Variants in BRAF observed in about 807,000 individuals in gnomAD.
BRAF encodes serine/threonine-protein kinase B-raf.
In BRAF, 16 loss-of-function variants were observed where a neutral mutation model predicts 104.6. The observed-to-expected ratio is 0.15, with a 90% CI of 0.10 to 0.23. The LOEUF (loss-of-function observed/expected upper bound fraction) is 0.23. Ranked by LOEUF, BRAF falls within the 10% of genes least tolerant of loss-of-function variation. BRAF has a pLI of 1.00. For synonymous variants in BRAF, 310 were observed against 341.6 expected (o/e 0.91, Z 1.02); for missense variants, 541 against 937.3 (o/e 0.58, Z 5.52).
At chr7:140,886,375 C>T (rs903710083) in intron 1 of BRAF, among the ~76,000 whole-genome samples, 5 of 152,172 alleles carry the variant, frequency 3.3e-5, no homozygotes, top group Admixed American at 6.5e-5. Context: ...ATTCACAACA[C>T]TCCCCTTCCT....
chr7:140,893,476 C>T lies in BRAF; in HGVS notation c.138+31090G>A, dbSNP rs944205711. Among the ~76,000 whole-genome samples, 7 of 152,186 alleles carry T rather than the reference C, an allele frequency of 4.6e-5. No individual in the cohort carries two copies. The East Asian group carries it at 1.4e-3, about 29-fold the overall frequency. ...ATGTTAGCCAGGATGGTCTCGATCT[C>T]TTGACCTCGTGATCTGCCCACCTCG... On this transcript the variant is annotated intron_variant, in intron 1 of 19. Transcript: ENST00000644969.
intron 1 of BRAF, among the ~76,000 whole-genome samples, chr7:140,858,673 A>G (rs768557112): frequency 3.3e-5 from 5 of 152,324 alleles, no homozygotes; most frequent in South Asian, 4.1e-4. Context: ...ATCTGAACAC[A>G]TATCAGATGT....
chr7:140,858,503 T>C (rs1438134965), intron 1 of BRAF, among the ~76,000 whole-genome samples: 1 of 152,224 alleles, frequency 6.6e-6, no homozygotes, highest in Non-Finnish European at 1.5e-5. Flanking sequence ...CTGGATTCTT[T>C]AATAAATCAT....
In BRAF at chr7:140,908,545, G is replaced by A. The variant is rs1043773696; in HGVS notation, c.138+16021C>T. 2.6e-5 allele frequency among the ~76,000 whole-genome samples: 4 copies of A among 152,112 alleles called. No individual in the cohort carries two copies. In the South Asian group the frequency reaches 8.3e-4, roughly 32 times the overall value. On this transcript the variant is annotated intron_variant, in intron 1 of 19. Transcript: ENST00000644969. ...GCTGGAGGGTCATTTATCATGGAGG[G>A]TCCCTGGACCACCCAGACAGAGCAA...
In BRAF at chr7:140,808,075, G is replaced by C. The variant is rs1803839206; in HGVS notation, c.609-13C>G. On this transcript the variant is annotated splice_polypyrimidine_tract_variant and intron_variant, in intron 4 of 19. Transcript: ENST00000644969. ...TGGTTTCTTCTCTCTGAAAAATGTA[G>C]ACACAAGCCTTTCTTGGTTATTACA... 1.3e-6 allele frequency: 2 copies of C among 1,581,602 alleles called. No individual in the cohort carries two copies.
At chr7:140,813,406 C>T (rs918958756) in intron 3 of BRAF, among the ~76,000 whole-genome samples, 1 of 152,114 alleles carries the variant, frequency 6.6e-6, no homozygotes, top group African/African-American at 2.4e-5. Context: ...TGGTATGAAG[C>T]TATAAACAGA....
intron 19 of BRAF, chr7:140,732,789 CTATCAA>C (rs1308060705): frequency 1.3e-5 from 2 of 152,200 alleles, no homozygotes; most frequent in African/African-American, 2.4e-5. Context: ...AGAAGGAGCT[CTATCAA>C]TAAAGAGACC....
At position 140,924,582 on chromosome 7, in the gene BRAF, G is replaced by A. The variant is rs1186254108; in HGVS notation, c.122C>T (p.Pro41Leu). ...AGAAASSAAD[P>L]AIPEEVWNIK... ...AGCACTCACCTCCTCCGGAATGGCA[G>A]GGTCCGCAGCCGAAGAGGCCGCGGC... Residue 41 changes from proline (P) to leucine (L), a missense_variant, in exon 1 of 20, where the codon CCT (proline) becomes CTT (leucine). By Grantham distance (98) the Pro-to-Leu change is moderately conservative (BLOSUM62 -3). Around this residue, in one of 10 missense-constraint regions of BRAF, gnomAD observed 82 missense variants for 65.9 expected, o/e 1.24. Coordinates refer to ENST00000644969, the MANE Select transcript of BRAF (RefSeq NM_001374258.1). This position sits in a 1 kb window ranked among gnomAD's most constrained non-coding sequence, Gnocchi z 4.2. 6 of 1,531,670 alleles carry A rather than the reference G, an allele frequency of 3.9e-6. No homozygotes were observed. The highest frequency in any genetic ancestry group is 2.5e-5 in the East Asian group (1 of 40,722). The allele number at this position is 1,531,670 out of a possible 1,614,324, so 94.9% of individuals were successfully genotyped here.
intron 14 of BRAF, among the ~76,000 whole-genome samples, chr7:140,768,878 C>T (rs1051558460): frequency 1.3e-5 from 2 of 152,012 alleles, no homozygotes; most frequent in Admixed American, 6.6e-5. Flanking sequence ...TTTGTGTGTG[C>T]CCACTCCCTC....
At chr7:140,845,124 T>A (rs1186140424) in intron 2 of BRAF, among the ~76,000 whole-genome samples, 1 of 152,196 alleles carries the variant, frequency 6.6e-6, no homozygotes, top group Admixed American at 6.5e-5. Context: ...TATAGTCAAA[T>A]GGTTTTCGAC....
At chr7:140,778,165 G>A (rs1800513711) in intron 12 of BRAF, 90 bp from the exon 12 acceptor site, 1 of 1,086,334 alleles carries the variant, frequency 9.2e-7, no homozygotes, top group Admixed American at 1.9e-5. Flanking sequence ...AATTATCATA[G>A]CCCTAACTCC....
Position 140,815,392 on chromosome 7 carries a change from G to C in BRAF, c.505-6397C>G, listed in dbSNP as rs1024489639. ...GATCTCCTGACCTCATGATTCGCCCGCCTCAGCCTCCCAAAGTGCTAGGAT... is the reference window on the plus strand; with the variant it reads ...GATCTCCTGACCTCATGATTCGCCCCCCTCAGCCTCCCAAAGTGCTAGGAT... On this transcript the variant is annotated intron_variant, in intron 3 of 19. Transcript: ENST00000644969. Among the ~76,000 whole-genome samples, 281 of 148,894 alleles carry C rather than the reference G, an allele frequency of 1.9e-3. 1 individual carries two copies. Among genetic ancestry groups the C allele is most frequent in the African/African-American group, 6.8e-3 (272 of 40,082 alleles).
intron 14 of BRAF, among the ~76,000 whole-genome samples, chr7:140,761,931 A>T (rs985171512): frequency 3.3e-5 from 5 of 151,058 alleles, no homozygotes; most frequent in Admixed American, 6.6e-5. Context: ...CTCCCACACA[A>T]TAATAATGGG....
At chr7:140,775,425 G>A (rs1800246950) in intron 14 of BRAF, among the ~76,000 whole-genome samples, 1 of 150,754 alleles carries the variant, frequency 6.6e-6, no homozygotes, top group Admixed American at 6.6e-5. Context: ...TTGGCCCACT[G>A]CAACCTCTGC....
chr7:140,829,965 T>C (rs1456565341), intron 3 of BRAF, among the ~76,000 whole-genome samples: 2 of 152,230 alleles, frequency 1.3e-5, no homozygotes, highest in East Asian at 3.8e-4. Flanking sequence ...TTTTCTCATA[T>C]TTGCCCACTT....
intron 1 of BRAF, among the ~76,000 whole-genome samples, chr7:140,857,783 G>A (rs1422874226): frequency 6.6e-6 from 1 of 152,022 alleles, no homozygotes; most frequent in African/African-American, 2.4e-5. Flanking sequence ...GACTCCTACT[G>A]ACCAAATTTG....
At chr7:140,775,184 T>G (rs1211028348) in intron 14 of BRAF, among the ~76,000 whole-genome samples, 1 of 152,068 alleles carries the variant, frequency 6.6e-6, no homozygotes, top group Non-Finnish European at 1.5e-5. Context: ...GTGGCATGTG[T>G]ATCCTAAAGA....
chr7:140,812,847 A>C (rs1310590961), intron 3 of BRAF, among the ~76,000 whole-genome samples: 1 of 152,222 alleles, frequency 6.6e-6, no homozygotes, highest in African/African-American at 2.4e-5. Context: ...AAAAAGGTTC[A>C]TCCATACTTC....
intron 1 of BRAF, among the ~76,000 whole-genome samples, chr7:140,885,359 T>G (rs1472689066): frequency 6.6e-6 from 1 of 152,158 alleles, no homozygotes; most frequent in Non-Finnish European, 1.5e-5. Context: ...AATGTCTGCC[T>G]TAACAAAAGA....
Sources: allele counts gnomAD v4.1 joint callset (sites outside exome capture counted in the v4.1 genomes callset), GRCh38; gene constraint gnomAD v4.1.1; regional missense constraint gnomAD v4.1.1; non-coding constraint Gnocchi (gnomAD v3.1); transcripts MANE v1.5; gene names NCBI Gene and HGNC (gene_info 2026-07-23, HGNC 2026-07-21).